Variants in CCND1 observed in about 807,000 individuals in gnomAD.
The protein encoded by CCND1 is cyclin D1.
In CCND1, 9 loss-of-function variants were observed where a neutral mutation model predicts 26.1. The observed-to-expected ratio is 0.35, with a 90% CI of 0.21 to 0.60. The LOEUF is 0.60. Among genes scored for constraint, CCND1 ranks in the 20% least tolerant of loss-of-function variants. The probability of loss-of-function intolerance (pLI) is 0.79; values close to 1 mark genes in which losing one functional copy is unlikely to be tolerated. For synonymous variants in CCND1, 194 were observed against 166.1 expected (o/e 1.17, Z -1.29); for missense variants, 335 against 392.9 (o/e 0.85, Z 1.25).
At chr11:69,649,271 C>T (rs573147916) in intron 4 of CCND1, among the ~76,000 whole-genome samples, 23 of 152,354 alleles carry the variant, frequency 1.5e-4, no homozygotes, top group African/African-American at 4.3e-4. Flanking sequence ...TCGAACTCCA[C>T]GCCCTGAGTG....
In CCND1 at chr11:69,651,266, G is replaced by A. The variant is rs775768459; in HGVS notation, c.872G>A (p.Arg291Gln). 3.9e-6 allele frequency: 6 copies of A among 1,548,866 alleles called. No individual in the cohort carries two copies. Among genetic ancestry groups the A allele is most frequent in the Admixed American group, 1.9e-5 (1 of 53,506 alleles). Residue 291 changes from arginine (R) to glutamine (Q), a missense_variant, in exon 5 of 5, where the codon CGG (arginine) becomes CAG (glutamine). By Grantham distance (43) the Arg-to-Gln change is conservative. Coordinates refer to ENST00000227507, the MANE Select transcript of CCND1 (RefSeq NM_053056.3). The stretch of plus-strand genomic sequence containing the variant: ...CTGGCTTGCACACCCACCGACGTGC[G>A]GGACGTGGACATCTGAGGGCGCCAG... ...VDLACTPTDV[R>Q]DVDI
Position 69,642,550 on chromosome 11 carries a change from T to C in CCND1, c.199-481T>C, listed in dbSNP as rs1855721091. Among the ~76,000 whole-genome samples, 4 of 152,228 alleles carry C rather than the reference T, an allele frequency of 2.6e-5. No individual in the cohort carries two copies. In the Middle Eastern group the frequency reaches 0.014, roughly 518 times the overall value. ...CATTTTCAGGGTTTTTTTATGCACT[T>C]AGTTATTTTTTTAATATTTTTAAAT... On this transcript the variant is annotated intron_variant, in intron 1 of 4. Transcript: ENST00000227507.
rs1030383965 is a variant in CCND1, at chr11:69,654,107, C to T, written c.*2825C>T. 9.1e-6 allele frequency: 6 copies of T among 656,536 alleles called. No individual in the cohort carries two copies. Among genetic ancestry groups the T allele is most frequent in the African/African-American group, 3.5e-5 (2 of 56,472 alleles). The allele number at this position is 656,536 out of a possible 1,614,324, so 40.7% of individuals were successfully genotyped here. A position where few individuals can be genotyped will look rare whatever the true frequency, so the allele number is the denominator to read the frequency against. ...GTCATCCTGTGCTCGGAGGCCATCT[C>T]GGGCACAGGCCCACCCCGCCCCACC... On this transcript the variant is annotated 3_prime_UTR_variant, in exon 5 of 5. Coordinates refer to ENST00000227507, the MANE Select transcript of CCND1 (RefSeq NM_053056.3). The surrounding 1 kb of genome is among the most constrained non-coding windows in gnomAD (Gnocchi z 6.3).
chr11:69,646,781 C>T (rs921083300), intron 3 of CCND1, among the ~76,000 whole-genome samples: 4 of 152,196 alleles, frequency 2.6e-5, no homozygotes, highest in East Asian at 1.9e-4. Context: ...CGGCATTCCC[C>T]GCCACAAACC....
In CCND1 at chr11:69,643,924, A is replaced by G. The variant is rs2120094427; in HGVS notation, c.507A>G (p.Pro169=). ...DFIEHFLSKM[P]EAEENKQIIR... is the part of the protein sequence containing the mutation. ...TTGAACACTTCCTCTCCAAAATGCC[A>G]GAGGCGGAGGAGAACAAACAGATCA... The change falls in exon 3 of 5, where the codon CCA becomes CCG. Residue 169 remains proline, a synonymous_variant. Transcript: ENST00000227507. 1 of 1,613,648 alleles carries G rather than the reference A, an allele frequency of 6.2e-7. No individual in the cohort carries two copies. The highest frequency in any genetic ancestry group is 1.6e-4 in the Middle Eastern group (1 of 6,062).
Position 69,653,553 on chromosome 11 carries a change from C to T in CCND1, c.*2271C>T, listed in dbSNP as rs112206819. Reference sequence around the variant, plus strand: ...AGCGGGCAGGTTCTGCCTGCTTTGGCGGGCAGACACGCGGGCGCGATCCCA... The same window carrying T: ...AGCGGGCAGGTTCTGCCTGCTTTGGTGGGCAGACACGCGGGCGCGATCCCA... On this transcript the variant is annotated 3_prime_UTR_variant, in exon 5 of 5. Transcript: ENST00000227507. 16 of 540,592 alleles carry T rather than the reference C, an allele frequency of 3.0e-5. No homozygotes were observed. The highest frequency in any genetic ancestry group is 1.2e-4 in the African/African-American group (6 of 50,868). 33.5% of individuals were successfully genotyped at this position (540,592 alleles called of 1,614,324 possible). A position where few individuals can be genotyped will look rare whatever the true frequency, so the allele number is the denominator to read the frequency against.
rs745779714 is a variant in CCND1, at chr11:69,648,110, C to G, written c.691C>G (p.Arg231Gly). ...NNFLSYYRLT[R>G]FLSRVIKCDP... The stretch of plus-strand genomic sequence containing the variant: ...CTTCCTGTCCTACTACCGCCTCACA[C>G]GCTTCCTCTCCAGAGTGATCAAGTG... The change falls in exon 4 of 5, where the codon CGC becomes GGC. Residue 231 changes from arginine (R) to glycine (G), a missense_variant. Transcript: ENST00000227507. 5.0e-6 allele frequency: 8 copies of G among 1,613,824 alleles called. No individual in the cohort carries two copies. In the Admixed American group the frequency reaches 1.0e-4, roughly 20 times the overall value.
At chr11:69,648,583 G>T (rs1456855682) in intron 4 of CCND1, among the ~76,000 whole-genome samples, 1 of 149,808 alleles carries the variant, frequency 6.7e-6, no homozygotes, top group Non-Finnish European at 1.5e-5. Flanking sequence ...AGACAGCCTT[G>T]TTGTTTACGG....
intron 3 of CCND1, among the ~76,000 whole-genome samples, chr11:69,645,769 G>A (rs1733981368): frequency 1.3e-5 from 2 of 152,174 alleles, no homozygotes; most frequent in East Asian, 1.9e-4. Flanking sequence ...TGCCCTCCAC[G>A]TGGCAAAGGT....
intron 1 of CCND1, among the ~76,000 whole-genome samples, chr11:69,642,272 T>A (rs1487091248): frequency 6.6e-6 from 1 of 152,172 alleles, no homozygotes; most frequent in East Asian, 1.9e-4. Context: ...TCTGCAGGGA[T>A]ATCGGCTTGG....
At position 69,650,344 on chromosome 11, in the gene CCND1, G is replaced by A. The variant is rs570975164; in HGVS notation, c.724-774G>A. On this transcript the variant is annotated intron_variant, in intron 4 of 4. Coordinates refer to ENST00000227507, the MANE Select transcript of CCND1 (RefSeq NM_053056.3). ...CTTGCCCGTGGTGGAGCCTAGGAGA[G>A]GCCCCTGGCTGGGCGTGGCGTTCCA... Among the ~76,000 whole-genome samples the A allele has an allele frequency of 2.6e-5, 4 of 152,368 alleles. No homozygotes were observed. In the South Asian group the frequency reaches 8.3e-4, roughly 32 times the overall value.
chr11:69,648,131 A>C lies in CCND1; in HGVS notation c.712A>C (p.Lys238Gln), dbSNP rs1423874357. Residue 238 changes from lysine to glutamine, a missense_variant, in exon 4 of 5, where the codon AAG becomes CAG. Physicochemically the swap from Lys to Gln is moderately conservative, Grantham distance 53 (BLOSUM62 1). Coordinates refer to ENST00000227507, the MANE Select transcript of CCND1 (RefSeq NM_053056.3). ...RLTRFLSRVI[K>Q]CDPDCLRACQ... ...CACACGCTTCCTCTCCAGAGTGATC[A>C]AGTGTGACCCGGTAAGTGAGGGTGA... The C allele has an allele frequency of 6.2e-6, 10 of 1,613,838 alleles. No individual in the cohort carries two copies. The highest frequency in any genetic ancestry group is 8.5e-6 in the Non-Finnish European group (10 of 1,179,988).
chr11:69,649,443 C>T (rs1855827816), intron 4 of CCND1, among the ~76,000 whole-genome samples: 1 of 152,172 alleles, frequency 6.6e-6, no homozygotes, highest in South Asian at 2.1e-4. Context: ...TTACCCGAGG[C>T]GGAGTCCACT....
rs1225160244 is a variant in CCND1, at chr11:69,651,482, A to T, written c.*200A>T. ...AGCAAAAGAAAAAGATTACCCAAAA[A>T]CTGTCTTTAAAAGAGAGAGAGAGAA... is the stretch of plus-strand genomic sequence containing the variant. On this transcript the variant is annotated 3_prime_UTR_variant, in exon 5 of 5. Transcript: ENST00000227507. 2.2e-6 allele frequency: 1 copy of T among 457,848 alleles called. No individual in the cohort carries two copies. Among genetic ancestry groups the T allele is most frequent in the Non-Finnish European group, 3.7e-6 (1 of 267,950 alleles). The allele number at this position is 457,848 out of a possible 1,614,324, so 28.4% of individuals were successfully genotyped here.
In CCND1 at chr11:69,641,428, G is replaced by A. The variant is rs2120080928; in HGVS notation, c.115G>A (p.Ala39Thr). The A allele has an allele frequency of 6.2e-7, 1 of 1,613,458 alleles. No individual in the cohort carries two copies. Among genetic ancestry groups the A allele is most frequent in the East Asian group, 2.2e-5 (1 of 44,872 alleles). ...CATGCTGAAGGCGGAGGAGACCTGC[G>A]CGCCCTCGGTGTCCTACTTCAAATG... The part of the protein sequence containing the change: ...RAMLKAEETC[A>T]PSVSYFKCVQ... The change falls in exon 1 of 5, where the codon GCG (alanine) becomes ACG (threonine). Residue 39 changes from alanine to threonine, a missense_variant. By Grantham distance (58) the Ala-to-Thr change is moderately conservative. Transcript: ENST00000227507.
Position 69,648,146 on chromosome 11 carries a change from A to C in CCND1, c.723+4A>C. On this transcript the variant is annotated splice_donor_region_variant and intron_variant, in intron 4 of 4. Coordinates refer to ENST00000227507, the MANE Select transcript of CCND1 (RefSeq NM_053056.3). ...CAGAGTGATCAAGTGTGACCCGGTA[A>C]GTGAGGGTGATGTCCCAGGCAGCCT... 7 of 1,613,586 alleles carry C rather than the reference A, an allele frequency of 4.3e-6. No individual in the cohort carries two copies. The highest frequency in any genetic ancestry group is 5.9e-6 in the Non-Finnish European group (7 of 1,179,936).
Position 69,643,517 on chromosome 11 carries a change from G to A in CCND1, c.414+271G>A, listed in dbSNP as rs553152942. 1.9e-4 allele frequency among the ~76,000 whole-genome samples: 29 copies of A among 152,366 alleles called. No individual in the cohort carries two copies. The South Asian group carries it at 5.0e-3, about 26-fold the overall frequency. ...AGTGGGCGGCGCGCGCCCTCCAGCG[G>A]CTGCACGAGGAGCGCCGCGCTCGGC... On this transcript the variant is annotated intron_variant, in intron 2 of 4. Transcript: ENST00000227507.
intron 2 of CCND1, 132 bp downstream of exon 2, chr11:69,643,378 C>T (rs1429053870): frequency 1.1e-5 from 7 of 664,256 alleles, no homozygotes; most frequent in East Asian, 3.4e-5. Flanking sequence ...GCGGCCCCGC[C>T]GCCGGGCGTC....
intron 3 of CCND1, among the ~76,000 whole-genome samples, chr11:69,645,368 C>A (rs1457408149): frequency 6.6e-6 from 1 of 152,214 alleles, no homozygotes; most frequent in Non-Finnish European, 1.5e-5. Context: ...AGCAGTGGAG[C>A]TCCCCTCCCA....
Sources: gnomAD v4.1 joint callset for allele counts (sites outside exome capture counted in the v4.1 genomes callset) on GRCh38, gnomAD v4.1.1 for gene constraint, Gnocchi (gnomAD v3.1) non-coding constraint, MANE v1.5 for transcripts, NCBI Gene and HGNC (gene_info 2026-07-23, HGNC 2026-07-21) for gene names.